Variants in CADM2 observed in about 807,000 individuals in gnomAD.
The protein encoded by CADM2 is immunoglobulin superfamily member 4D.
In CADM2, 12 loss-of-function variants were observed where a neutral mutation model predicts 49.8. The observed-to-expected ratio is 0.24, with a 90% confidence interval of 0.15 to 0.39. The LOEUF is 0.39. Among genes scored for constraint, CADM2 ranks in the 10% least tolerant of loss-of-function variants. CADM2 has a pLI of 1.00. For missense variants in CADM2, 378 were observed against 492.3 expected, an observed-to-expected ratio of 0.77 and a Z score of 2.20; for synonymous variants, 214 against 175.4, an observed-to-expected ratio of 1.22 and a Z score of -1.74.
chr3:85,155,634 T>C (rs1575999844), intron 1 of CADM2, among the ~76,000 whole-genome samples: 1 of 152,036 alleles, frequency 6.6e-6, no homozygotes, highest in African/African-American at 2.4e-5. Context: ...CAACAGAATA[T>C]ACATTTTTTT....
intron 2 of CADM2, among the ~76,000 whole-genome samples, chr3:85,744,007 A>T (rs2068505190): frequency 1.3e-5 from 2 of 152,208 alleles, no homozygotes; most frequent in African/African-American, 4.8e-5. Flanking sequence ...CTAGCCTCAT[A>T]GAGCATATAC....
At chr3:85,172,840 T>C (rs1190927141) in intron 1 of CADM2, among the ~76,000 whole-genome samples, 2 of 146,866 alleles carry the variant, frequency 1.4e-5, no homozygotes, top group Admixed American at 1.4e-4. Flanking sequence ...ATAATATATA[T>C]ATTATATATA....
At chr3:86,018,510 C>T (rs1445890114) in intron 8 of CADM2, among the ~76,000 whole-genome samples, 2 of 152,140 alleles carry the variant, frequency 1.3e-5, no homozygotes, top group South Asian at 2.1e-4. Flanking sequence ...TAAAAGTGTT[C>T]ATATTTCTCC....
intron 8 of CADM2, chr3:85,979,407 TA>T: frequency 9.3e-7 from 1 of 1,080,868 alleles, no homozygotes; most frequent in Admixed American, 2.4e-5. Context: ...TTAAGTCACC[TA>T]AATTGCTATC....
intron 2 of CADM2, among the ~76,000 whole-genome samples, chr3:85,792,360 T>G (rs2071385166): frequency 6.6e-6 from 1 of 152,250 alleles, no homozygotes; most frequent in East Asian, 1.9e-4. Context: ...AAATTGTGTC[T>G]TAAATATTCT....
intron 1 of CADM2, among the ~76,000 whole-genome samples, chr3:85,511,648 C>T (rs1191701597): frequency 6.6e-6 from 1 of 151,990 alleles, no homozygotes; most frequent in East Asian, 1.9e-4. Context: ...GCCACCAAGG[C>T]ATCTATAAAG....
At chr3:85,602,500 A>G (rs2063435402) in intron 1 of CADM2, among the ~76,000 whole-genome samples, 1 of 151,784 alleles carries the variant, frequency 6.6e-6, no homozygotes, top group South Asian at 2.1e-4. Context: ...ACAACTTGCG[A>G]CATTGTCTTT....
At chr3:85,185,367 CATATGTTTCCCA>C (rs1347423469) in intron 1 of CADM2, among the ~76,000 whole-genome samples, 1 of 151,562 alleles carries the variant, frequency 6.6e-6, no homozygotes, top group Non-Finnish European at 1.5e-5. Context: ...GAAATAGGAA[CATATGTTTCCCA>C]AAACATTTAG....
chr3:85,539,871 C>G (rs1262266367), intron 1 of CADM2, among the ~76,000 whole-genome samples: 1 of 151,966 alleles, frequency 6.6e-6, no homozygotes, highest in Non-Finnish European at 1.5e-5. Flanking sequence ...TTTTTAAATA[C>G]AAAGTTTGAA....
chr3:85,747,370 A>T (rs1019331884), intron 2 of CADM2, among the ~76,000 whole-genome samples: 1 of 152,138 alleles, frequency 6.6e-6, no homozygotes, highest in Non-Finnish European at 1.5e-5. Context: ...TCTTCATATT[A>T]TGTGACAAAC....
intron 2 of CADM2, among the ~76,000 whole-genome samples, chr3:85,787,903 C>A (rs2071090112): frequency 6.6e-6 from 1 of 152,198 alleles, no homozygotes; most frequent in South Asian, 2.1e-4. Flanking sequence ...TTTTTCAGTT[C>A]TTTCAACAGC....
Position 85,321,141 on chromosome 3 carries a change from T to A in CADM2, c.61+361473T>A, listed in dbSNP as rs1362466545. ...ATTTTTTTTTTTTTTTTTTTTTTTT[T>A]TTTTTTTTTTTTTTTTTTTTTTTTT... On this transcript the variant is annotated intron_variant, in intron 1 of 9. Transcript: ENST00000383699. Among the ~76,000 whole-genome samples, 204 of 49,788 alleles carry A rather than the reference T, an allele frequency of 4.1e-3. 6 individuals are homozygous for A. Among genetic ancestry groups the A allele is most frequent in the South Asian group, 7.4e-3 (9 of 1,214 alleles). 32.7% of individuals were successfully genotyped at this position (49,788 alleles called of 152,430 possible).
chr3:85,444,977 G>A (rs1342796373), intron 1 of CADM2, among the ~76,000 whole-genome samples: 1 of 152,054 alleles, frequency 6.6e-6, no homozygotes, highest in African/African-American at 2.4e-5. Context: ...GCATGATAAA[G>A]ACTGTGTATA....
intron 9 of CADM2, 32 bp from the exon 10 acceptor site, chr3:86,066,633 G>C: frequency 6.8e-7 from 1 of 1,469,506 alleles, no homozygotes; most frequent in Non-Finnish European, 9.5e-7. Context: ...CAGTCTCACA[G>C]AGCTAACATA....
At chr3:85,257,848 C>G (rs1048333310) in intron 1 of CADM2, among the ~76,000 whole-genome samples, 1 of 152,056 alleles carries the variant, frequency 6.6e-6, no homozygotes, top group Non-Finnish European at 1.5e-5. Context: ...CATAGTGACA[C>G]AAACCAAAAT....
At chr3:85,779,745 T>G (rs1203331374) in intron 2 of CADM2, among the ~76,000 whole-genome samples, 1 of 152,184 alleles carries the variant, frequency 6.6e-6, no homozygotes, top group Non-Finnish European at 1.5e-5. Context: ...TTTAAACATT[T>G]ACAGATACTA....
At chr3:85,772,889 T>C (rs570291136) in intron 2 of CADM2, among the ~76,000 whole-genome samples, 2 of 151,992 alleles carry the variant, frequency 1.3e-5, no homozygotes, top group Admixed American at 1.3e-4. Context: ...TCCAGTTTTT[T>C]TTTTTTTCTT....
At chr3:85,601,706 C>G (rs1015845982) in intron 1 of CADM2, among the ~76,000 whole-genome samples, 2 of 151,118 alleles carry the variant, frequency 1.3e-5, no homozygotes, top group African/African-American at 4.9e-5. Flanking sequence ...TTTTCCTAGC[C>G]CATATCCCTA....
At chr3:86,030,792 C>G (rs973609780) in intron 8 of CADM2, among the ~76,000 whole-genome samples, 4 of 151,828 alleles carry the variant, frequency 2.6e-5, no homozygotes, top group Non-Finnish European at 5.9e-5. Context: ...TAAAGAAAGG[C>G]ATAGAATGTA....
Sources: allele counts gnomAD v4.1 joint callset (sites outside exome capture counted in the v4.1 genomes callset), GRCh38; gene constraint gnomAD v4.1.1; transcripts MANE v1.5; gene names NCBI Gene and HGNC (gene_info 2026-07-23, HGNC 2026-07-21).